Variants in TCF3 observed in about 807,000 individuals in gnomAD.
TCF3 encodes the protein transcription factor 3, also known as transcription factor E2-alpha.
In TCF3, 54 loss-of-function variants were observed where a neutral mutation model predicts 72.3. The observed-to-expected ratio is 0.75, with a 90% CI of 0.60 to 0.94. The LOEUF (loss-of-function observed/expected upper bound fraction) is 0.94, where lower values mean the gene tolerates loss of function less well. Ranked by LOEUF, TCF3 falls within the 40% of genes least tolerant of loss-of-function variation. TCF3 has a pLI of 0.00. For synonymous variants in TCF3, 525 were observed against 412.6 expected, an observed-to-expected ratio of 1.27 and a Z score of -3.30; for missense variants, 1,078 against 934.4, an observed-to-expected ratio of 1.15 and a Z score of -2.00.
At chr19:1,617,214 G>T (rs929979925) in intron 16 of TCF3, among the ~76,000 whole-genome samples, 1 of 152,172 alleles carries the variant, frequency 6.6e-6, no homozygotes, top group African/African-American at 2.4e-5. Context: ...ATTGACAACA[G>T]GTGTATCACA....
At chr19:1,630,081 G>A (rs985639361) in intron 5 of TCF3, among the ~76,000 whole-genome samples, 6 of 152,220 alleles carry the variant, frequency 3.9e-5, no homozygotes, top group African/African-American at 9.6e-5. Flanking sequence ...GGCCCCACCC[G>A]TGGGGGTGGC....
At position 1,614,875 on chromosome 19, in the gene TCF3, A is replaced by C. The variant is rs2061396795; in HGVS notation, c.1822+410T>G. Among the ~76,000 whole-genome samples, 2 of 152,138 alleles carry C rather than the reference A, an allele frequency of 1.3e-5. No individual in the cohort carries two copies. The highest frequency in any genetic ancestry group is 4.8e-5 in the African/African-American group (2 of 41,424). ...GGCATCTGCCTGACGGGAAGGGGCC[A>C]GGGTGGTTTGCACACCAGCTCCTGT... is the stretch of plus-strand genomic sequence containing the variant. On this transcript the variant is annotated intron_variant, in intron 18 of 18. Transcript: ENST00000262965. This position sits in a 1 kb window ranked among gnomAD's most constrained non-coding sequence, Gnocchi z 5.6.
chr19:1,622,430 G>GGA lies in TCF3; in HGVS notation c.550-16_550-15insTC. The GGA allele has an allele frequency of 7.6e-7, 1 of 1,316,328 alleles. No homozygotes were observed. Among genetic ancestry groups the GGA allele is most frequent in the Non-Finnish European group, 1.0e-6 (1 of 981,310 alleles). The allele number at this position is 1,316,328 out of a possible 1,614,324, so 81.5% of individuals were successfully genotyped here. A position where few individuals can be genotyped will look rare whatever the true frequency, so the allele number is the denominator to read the frequency against. ...GGTGGGTACACCTGCGGGCGGGTGGGCGGTGGGGGGTGCAGTCAGGACGGA... is the reference window on the plus strand; with the variant it reads ...GGTGGGTACACCTGCGGGCGGGTGGGGACGGTGGGGGGTGCAGTCAGGACGGA... On this transcript the variant is annotated splice_polypyrimidine_tract_variant and intron_variant, in intron 8 of 18. Transcript: ENST00000262965.
Position 1,614,778 on chromosome 19 carries a change from G to A in TCF3, c.1822+507C>T, listed in dbSNP as rs930855943. On this transcript the variant is annotated intron_variant, in intron 18 of 18. Transcript: ENST00000262965. The surrounding 1 kb of genome is among the most constrained non-coding windows in gnomAD (Gnocchi z 5.6). ...CTGGCCCTGGGAAATGGGGGTGATAGGAAGTTTCCCTATCACCTTCAGATA... is the reference window on the plus strand; with the variant it reads ...CTGGCCCTGGGAAATGGGGGTGATAAGAAGTTTCCCTATCACCTTCAGATA... Among the ~76,000 whole-genome samples the A allele has an allele frequency of 6.6e-6, 1 of 152,092 alleles. No homozygotes were observed.
In TCF3 at chr19:1,614,006, G is replaced by A. The variant is rs891918241; in HGVS notation, c.1822+1279C>T. 6.6e-6 allele frequency among the ~76,000 whole-genome samples: 1 copy of A among 152,264 alleles called. No individual in the cohort carries two copies. The highest frequency in any genetic ancestry group is 2.1e-4 in the South Asian group (1 of 4,834). On this transcript the variant is annotated intron_variant, in intron 18 of 18. Transcript: ENST00000262965. This position sits in a 1 kb window ranked among gnomAD's most constrained non-coding sequence, Gnocchi z 5.6. ...CCGCAGGGGTGCGGGTCCCGGCCCA[G>A]GCCTCTGTGCTGCATGGCCCTGCAT... is the stretch of plus-strand genomic sequence containing the variant.
At chr19:1,634,651 G>C (rs546688106) in intron 3 of TCF3, among the ~76,000 whole-genome samples, 1 of 152,224 alleles carries the variant, frequency 6.6e-6, no homozygotes, top group Non-Finnish European at 1.5e-5. Context: ...CTCCTGAGAG[G>C]GACCGGGGAC....
At position 1,619,471 on chromosome 19, in the gene TCF3, T is replaced by TCTG; in HGVS notation, c.1168_1170dup (p.Gln390dup). ...TCGTCCAGGTGGTCTTCTATCTTACTCTGCTGCAGGGTGGGGGGATGGGTG... is the reference window on the plus strand; with the variant it reads ...TCGTCCAGGTGGTCTTCTATCTTACTCTGCTGCTGCAGGGTGGGGGGATGGGTG... On this transcript the variant is annotated inframe_insertion, in exon 15 of 19. Coordinates refer to ENST00000262965, the MANE Select transcript of TCF3 (RefSeq NM_003200.5). 6.3e-7 allele frequency: 1 copy of TCTG among 1,575,266 alleles called. No homozygotes were observed. The highest frequency in any genetic ancestry group is 8.6e-7 in the Non-Finnish European group (1 of 1,164,222).
intron 8 of TCF3, among the ~76,000 whole-genome samples, chr19:1,623,138 C>A (rs542133230): frequency 6.6e-6 from 1 of 152,060 alleles, no homozygotes; most frequent in African/African-American, 2.4e-5. Context: ...GGGAGCTGGT[C>A]GGCTGGAGGG....
At position 1,614,888 on chromosome 19, in the gene TCF3, C is replaced by A. The variant is rs971911106; in HGVS notation, c.1822+397G>T. ...CGGGAAGGGGCCAGGGTGGTTTGCA[C>A]ACCAGCTCCTGTCTCTGGGATCGGG... On this transcript the variant is annotated intron_variant, in intron 18 of 18. Transcript: ENST00000262965. The surrounding 1 kb of genome is among the most constrained non-coding windows in gnomAD (Gnocchi z 5.6). Among the ~76,000 whole-genome samples, 1 of 152,112 alleles carries A rather than the reference C, an allele frequency of 6.6e-6. No individual in the cohort carries two copies. Among genetic ancestry groups the A allele is most frequent in the African/African-American group, 2.4e-5 (1 of 41,412 alleles).
intron 3 of TCF3, among the ~76,000 whole-genome samples, chr19:1,638,504 C>T (rs1422558717): frequency 3.3e-5 from 5 of 152,138 alleles, no homozygotes; most frequent in Non-Finnish European, 7.3e-5. Flanking sequence ...AGGATGGTCT[C>T]GATCTCCTGA....
At position 1,610,344 on chromosome 19, in the gene TCF3, C is replaced by A; in HGVS notation, c.*1363G>T. ...TGGCCCCAGGCCCAGGGATGCTCCC[C>A]AGCATTGGGGGAGGCTGGCCAGGCC... On this transcript the variant is annotated 3_prime_UTR_variant, in exon 19 of 19. Coordinates refer to ENST00000262965, the MANE Select transcript of TCF3 (RefSeq NM_003200.5). 1 of 231,816 alleles carries A rather than the reference C, an allele frequency of 4.3e-6. No homozygotes were observed. The highest frequency in any genetic ancestry group is 8.5e-6 in the Non-Finnish European group (1 of 117,256). The allele number at this position is 231,816 out of a possible 1,614,324, so 14.4% of individuals were successfully genotyped here. A position where few individuals can be genotyped will look rare whatever the true frequency, so the allele number is the denominator to read the frequency against.
intron 5 of TCF3, among the ~76,000 whole-genome samples, chr19:1,630,197 G>C (rs1360217675): frequency 6.6e-6 from 1 of 152,142 alleles, no homozygotes; most frequent in Non-Finnish European, 1.5e-5. Context: ...AAGAGGCTGG[G>C]AGGAAGGAAC....
chr19:1,631,899 C>T (rs1318296300), intron 5 of TCF3, 139 bp downstream of exon 5: 7 of 1,529,372 alleles, frequency 4.6e-6, no homozygotes, highest in Middle Eastern at 2.2e-4. Flanking sequence ...GCTCCCAGGA[C>T]GGGCAGAGGC....
At chr19:1,637,192 C>T (rs2064543374) in intron 3 of TCF3, among the ~76,000 whole-genome samples, 1 of 151,926 alleles carries the variant, frequency 6.6e-6, no homozygotes, top group Non-Finnish European at 1.5e-5. Flanking sequence ...CCCCCAGAAC[C>T]AGGGGCGCCT....
chr19:1,632,143 G>T, intron 4 of TCF3, 27 bp from the exon 5 acceptor site: 2 of 1,608,036 alleles, frequency 1.2e-6, no homozygotes, highest in Non-Finnish European at 1.7e-6. Flanking sequence ...GGGGATGAGA[G>T]GTGCTGGGGC....
intron 5 of TCF3, among the ~76,000 whole-genome samples, chr19:1,630,949 G>GCCCCA (rs1555752436): frequency 6.6e-6 from 1 of 152,248 alleles, no homozygotes; most frequent in Non-Finnish European, 1.5e-5. Flanking sequence ...CCCAGTCGCA[G>GCCCCA]CCCCAGGTGC....
At chr19:1,640,257 C>T (rs1050395419) in intron 3 of TCF3, among the ~76,000 whole-genome samples, 7 of 152,190 alleles carry the variant, frequency 4.6e-5, no homozygotes, top group South Asian at 2.1e-4. Flanking sequence ...CAAATGAGGC[C>T]GGGCTCGGTG....
At chr19:1,625,830 T>G in intron 6 of TCF3, 122 bp from the exon 7 acceptor site, 1 of 1,233,200 alleles carries the variant, frequency 8.1e-7, no homozygotes, top group Non-Finnish European at 1.1e-6. Flanking sequence ...GTGATGCCCC[T>G]TCTGCCTGTC....
intron 3 of TCF3, among the ~76,000 whole-genome samples, chr19:1,644,868 C>T (rs895787794): frequency 7.3e-5 from 11 of 151,526 alleles, no homozygotes; most frequent in Middle Eastern, 3.4e-3. Context: ...TGGGGGTGGA[C>T]GGCCTTGGGA....
Sources: allele counts gnomAD v4.1 joint callset (sites outside exome capture counted in the v4.1 genomes callset), GRCh38; gene constraint gnomAD v4.1.1; non-coding constraint Gnocchi (gnomAD v3.1); transcripts MANE v1.5; gene names NCBI Gene and HGNC (gene_info 2026-07-23, HGNC 2026-07-21).